The following TCF4 variants were observed in gnomAD, a reference collection of about 807,000 sequenced individuals.
TCF4 encodes transcription factor 4.
A neutral mutation model predicts 82.1 loss-of-function variants in TCF4; 3 were observed. That is an observed-to-expected ratio of 0.04 (90% CI 0.02 to 0.09). TCF4 has a LOEUF of 0.09. Ranked by LOEUF, TCF4 falls within the 10% of genes least tolerant of loss-of-function variation. The probability of loss-of-function intolerance (pLI) is 1.00; values close to 1 mark genes in which losing one functional copy is unlikely to be tolerated. For missense variants in TCF4, 518 were observed against 852.7 expected (o/e 0.61, Z 4.89); for synonymous variants, 276 against 309.6 (o/e 0.89, Z 1.14).
chr18:55,576,140 C>G (rs2097526359), intron 3 of TCF4, among the ~76,000 whole-genome samples: 1 of 152,110 alleles, frequency 6.6e-6, no homozygotes, highest in East Asian at 1.9e-4. Flanking sequence ...TTTTGAGGTG[C>G]AGCCTTTAAG....
chr18:55,481,432 G>A (rs1295564454), intron 3 of TCF4, among the ~76,000 whole-genome samples: 2 of 152,162 alleles, frequency 1.3e-5, no homozygotes, highest in African/African-American at 4.8e-5. Flanking sequence ...TACTCAGGTA[G>A]ACTGTATTAT....
chr18:55,541,482 T>G (rs1190700902), intron 3 of TCF4, among the ~76,000 whole-genome samples: 3 of 152,050 alleles, frequency 2.0e-5, no homozygotes, highest in African/African-American at 7.2e-5. Context: ...ATAAAAATCA[T>G]GTTGATGCTA....
intron 6 of TCF4, among the ~76,000 whole-genome samples, chr18:55,357,830 C>T (rs1012577416): frequency 1.3e-5 from 2 of 152,196 alleles, no homozygotes; most frequent in African/African-American, 4.8e-5. Context: ...TAATGGCCAA[C>T]TCTGTAAGAT....
At chr18:55,544,262 T>G (rs906529093) in intron 3 of TCF4, among the ~76,000 whole-genome samples, 1 of 152,202 alleles carries the variant, frequency 6.6e-6, no homozygotes, top group African/African-American at 2.4e-5. Context: ...TCAATGATAA[T>G]ATTTGTTATG....
intron 3 of TCF4, among the ~76,000 whole-genome samples, chr18:55,540,992 T>C (rs2097160619): frequency 6.6e-6 from 1 of 152,026 alleles, no homozygotes; most frequent in African/African-American, 2.4e-5. Flanking sequence ...AATTGTGTGT[T>C]TGTGCCCATG....
intron 15 of TCF4, among the ~76,000 whole-genome samples, chr18:55,242,893 C>A (rs2051766242): frequency 6.6e-6 from 1 of 152,160 alleles, no homozygotes; most frequent in Non-Finnish European, 1.5e-5. Flanking sequence ...CAGGCCTGAA[C>A]CACCGCGCCT....
chr18:55,310,150 A>G (rs890722290), intron 8 of TCF4, among the ~76,000 whole-genome samples: 2 of 152,210 alleles, frequency 1.3e-5, no homozygotes, highest in African/African-American at 4.8e-5. Flanking sequence ...ACCTAAACAC[A>G]TCAGTGTGAT....
intron 8 of TCF4, among the ~76,000 whole-genome samples, chr18:55,334,282 CAT>C (rs1366838066): frequency 2.6e-5 from 4 of 152,152 alleles, no homozygotes; most frequent in African/African-American, 9.6e-5. Flanking sequence ...CCATACTCTA[CAT>C]GTCTTAAAAT....
chr18:55,303,263 A>C (rs966770530), intron 8 of TCF4, among the ~76,000 whole-genome samples: 1 of 145,306 alleles, frequency 6.9e-6, no homozygotes, highest in African/African-American at 2.5e-5. Flanking sequence ...ACACACACAC[A>C]CACACCCCTA....
At chr18:55,305,599 A>G (rs2070021266) in intron 8 of TCF4, among the ~76,000 whole-genome samples, 1 of 152,216 alleles carries the variant, frequency 6.6e-6, no homozygotes, top group African/African-American at 2.4e-5. Flanking sequence ...AACTAGGATT[A>G]CGGAATGGTA....
chr18:55,449,882 T>G (rs1423169999), intron 5 of TCF4, among the ~76,000 whole-genome samples: 1 of 151,950 alleles, frequency 6.6e-6, no homozygotes, highest in South Asian at 2.1e-4. Flanking sequence ...AATTAATCAC[T>G]TCCACGTTCT....
chr18:55,437,560 T>G (rs1311098761), intron 5 of TCF4, among the ~76,000 whole-genome samples: 4 of 152,156 alleles, frequency 2.6e-5, no homozygotes, highest in African/African-American at 9.7e-5. Context: ...GAAAAAGGAT[T>G]TAAAAATAAG....
rs1555716325 is a variant in TCF4, at chr18:55,514,445, A to ACC, written c.146-50310_146-50309dup. Among the ~76,000 whole-genome samples, 123 of 94,354 alleles carry ACC rather than the reference A, an allele frequency of 1.3e-3. 1 individual carries two copies. Among genetic ancestry groups the ACC allele is most frequent in the South Asian group, 2.0e-3 (5 of 2,512 alleles). The allele number at this position is 94,354 out of a possible 152,430, so 61.9% of individuals were successfully genotyped here. The stretch of plus-strand genomic sequence containing the variant: ...CACACACACACACACACACACACAC[A>ACC]CCCCAATCATACCTACCACCATGCT... On this transcript the variant is annotated intron_variant, in intron 3 of 19. Coordinates refer to ENST00000354452, the MANE Select transcript of TCF4 (RefSeq NM_001083962.2).
intron 6 of TCF4, among the ~76,000 whole-genome samples, chr18:55,383,555 G>A (rs188354626): frequency 4.9e-4 from 75 of 152,212 alleles, no homozygotes; most frequent in East Asian, 3.7e-3. Context: ...AAGACACTAC[G>A]ACAAGGCAAA....
chr18:55,403,696 G>A (rs1009104646), intron 5 of TCF4, 178 bp from the exon 6 acceptor site: 59 of 1,547,376 alleles, frequency 3.8e-5, no homozygotes, highest in Non-Finnish European at 4.7e-5. Context: ...ATGATAAACT[G>A]GAAAAAAATA....
intron 8 of TCF4, chr18:55,321,944 A>C (rs893222608): frequency 7.3e-7 from 1 of 1,368,420 alleles, no homozygotes; most frequent in Non-Finnish European, 9.4e-7. Flanking sequence ...TGCGCAGCGG[A>C]GCTGGAAGGC....
chr18:55,306,275 T>C (rs1231389472), intron 8 of TCF4, among the ~76,000 whole-genome samples: 1 of 152,190 alleles, frequency 6.6e-6, no homozygotes, highest in African/African-American at 2.4e-5. Context: ...AGCATGCCTT[T>C]GAATTGCCGC....
chr18:55,381,926 A>T lies in TCF4; in HGVS notation c.369+21528T>A, dbSNP rs566554079. 6.1e-3 allele frequency among the ~76,000 whole-genome samples: 855 copies of T among 140,148 alleles called. 7 individuals are homozygous for T. Among genetic ancestry groups the T allele is most frequent in the East Asian group, 0.037 (185 of 5,006 alleles). The allele number at this position is 140,148 out of a possible 152,430, so 91.9% of individuals were successfully genotyped here. A position where few individuals can be genotyped will look rare whatever the true frequency, so the allele number is the denominator to read the frequency against. ...TCTAGAAGGGTTTTTTTTTTTTTTT[A>T]AAAAAGGAAATTCTAAGTGATTTAC... On this transcript the variant is annotated intron_variant, in intron 6 of 19. Coordinates refer to ENST00000354452, the MANE Select transcript of TCF4 (RefSeq NM_001083962.2).
chr18:55,292,217 G>A (rs547043984), intron 8 of TCF4, among the ~76,000 whole-genome samples: 1 of 152,250 alleles, frequency 6.6e-6, no homozygotes, highest in South Asian at 2.1e-4. Context: ...CCGGAATGAG[G>A]AGGGCATAAA....
Sources: gnomAD v4.1 joint callset for allele counts (sites outside exome capture counted in the v4.1 genomes callset) on GRCh38, gnomAD v4.1.1 for gene constraint, MANE v1.5 for transcripts, NCBI Gene and HGNC (gene_info 2026-07-23, HGNC 2026-07-21) for gene names.